Variants in MTMR10 observed in about 807,000 individuals in gnomAD.
MTMR10 encodes myotubularin-related protein 10.
MTMR10 carries 56 observed loss-of-function variants against 88.1 expected under a neutral mutation model. The ratio of observed to expected loss-of-function variants is 0.64; its 90% confidence interval spans 0.51 to 0.79. MTMR10 has a LOEUF of 0.79. Among genes scored for constraint, MTMR10 ranks in the 30% least tolerant of loss-of-function variants. The pLI is 0.00. For missense variants in MTMR10, 883 were observed against 924.7 expected, an observed-to-expected ratio of 0.95 and a Z score of 0.58; for synonymous variants, 380 against 340.9, an observed-to-expected ratio of 1.11 and a Z score of -1.26.
In MTMR10 at chr15:30,976,959, T is replaced by C. The variant is rs141042939; in HGVS notation, c.122-4A>G. On this transcript the variant is annotated splice_polypyrimidine_tract_variant and splice_region_variant and intron_variant, in intron 2 of 15. Transcript: ENST00000435680. ...ACTTCATTTACGACAATTTCTCCTT[T>C]AAAAAAAGAAAAATATTTGTAAGGT... 236 of 1,609,272 alleles carry C rather than the reference T, an allele frequency of 1.5e-4. 1 individual carries two copies. The African/African-American group carries it at 2.8e-3, about 19-fold the overall frequency.
the MTMR10 span, among the ~76,000 whole-genome samples, chr15:30,919,403 A>G: frequency 6.9e-6 from 1 of 144,634 alleles, no homozygotes; most frequent in Non-Finnish European, 1.5e-5. Flanking sequence ...AAAAAAAATC[A>G]TAAGGGGCTG....
In MTMR10 at chr15:30,941,506, T is replaced by A. The variant is rs1383097811; in HGVS notation, c.2298A>T (p.Ile766=). The change falls in exon 16 of 16, where the codon ATA becomes ATT. Residue 766 remains isoleucine, a synonymous_variant. Transcript: ENST00000435680. ...PLSKFLSGAK[I]WLSTETLANE... is the part of the protein sequence containing the mutation. The stretch of plus-strand genomic sequence containing the variant: ...TTGCTAATGTCTCAGTAGACAACCA[T>A]ATTTTGGCCCCACTTAAAAATTTGC... The A allele has an allele frequency of 1.2e-6, 2 of 1,611,766 alleles. No individual in the cohort carries two copies. The highest frequency in any genetic ancestry group is 1.7e-6 in the Non-Finnish European group (2 of 1,178,798).
At chr15:30,938,498 CTAATAACTAGATAGGGG>C (rs2062931418), downstream of MTMR10, among the ~76,000 whole-genome samples, 1 of 152,156 alleles carries the variant, frequency 6.6e-6, no homozygotes, top group African/African-American at 2.4e-5. Context: ...GGGACCATCC[CTAATAACTAGATAGGGG>C]TATTTTCTCT....
chr15:30,955,986 C>A (rs1195092649), intron 9 of MTMR10, among the ~76,000 whole-genome samples: 3 of 120,630 alleles, frequency 2.5e-5, no homozygotes, highest in East Asian at 2.7e-4. Flanking sequence ...AAAAACAAAA[C>A]AAAACCCTGC....
chr15:30,951,807 T>C (rs1359087618), intron 12 of MTMR10, among the ~76,000 whole-genome samples, 161 bp downstream of exon 12: 1 of 152,180 alleles, frequency 6.6e-6, no homozygotes, highest in Admixed American at 6.5e-5. Flanking sequence ...CCTGTGCCAC[T>C]GTTTTACTCA....
intron 14 of MTMR10, chr15:30,943,728 C>T (rs2063122562): frequency 2.0e-6 from 2 of 985,328 alleles, no homozygotes; most frequent in African/African-American, 3.5e-5. Flanking sequence ...TCTGGCTTCC[C>T]ACCACAGTAA....
the MTMR10 span, chr15:30,929,271 G>C: frequency 1.2e-6 from 2 of 1,613,598 alleles, no homozygotes; most frequent in Non-Finnish European, 1.7e-6. Context: ...AGGCCAGGCT[G>C]CAGCTGATTC....
At chr15:30,927,004 A>G in the MTMR10 span, 1 of 985,486 alleles carries the variant, frequency 1.0e-6, no homozygotes, top group Non-Finnish European at 1.2e-6. Context: ...AATGCACAGC[A>G]TGGACCACTT....
Position 30,974,993 on chromosome 15 carries a change from T to C in MTMR10, c.269A>G (p.Tyr90Cys). ...GTGTTCACCAAGAAGAAGGTTTCTG[T>C]AATGGAATTTCTGGAATAAAAAATT... ...DDPMPLQKFH[Y>C]RNLLLGEHDV... Residue 90 changes from tyrosine to cysteine, a missense_variant, in exon 4 of 16, where the codon TAC (tyrosine) becomes TGC (cysteine). By Grantham distance (194) the Tyr-to-Cys change is radical. Transcript: ENST00000435680. The C allele has an allele frequency of 6.4e-7, 1 of 1,565,768 alleles. No individual in the cohort carries two copies. Among genetic ancestry groups the C allele is most frequent in the Non-Finnish European group, 8.7e-7 (1 of 1,152,906 alleles).
chr15:30,946,433 C>A, intron 14 of MTMR10: 1 of 304,302 alleles, frequency 3.3e-6, no homozygotes, highest in Non-Finnish European at 6.0e-6. Context: ...AGACCAGGGC[C>A]AGAACTCAGG....
At chr15:30,990,015 G>A (rs1039819917) in intron 2 of MTMR10, among the ~76,000 whole-genome samples, 17 of 152,050 alleles carry the variant, frequency 1.1e-4, no homozygotes, top group African/African-American at 3.9e-4. Flanking sequence ...TATTCTGTAT[G>A]CTCTAAAACA....
rs151127169 is a variant in MTMR10, at chr15:30,973,504, A to C, written c.474+810T>G. ...GAAGATTTACTGCAGTCAGTTGACT[A>C]ACCATGGAAAACAAAGGCACTCATT... On this transcript the variant is annotated intron_variant, in intron 5 of 15. Transcript: ENST00000435680. Among the ~76,000 whole-genome samples the C allele has an allele frequency of 1.8e-3, 273 of 152,260 alleles. 1 individual carries two copies. The highest frequency in any genetic ancestry group is 6.3e-3 in the African/African-American group (260 of 41,550).
chr15:30,926,940 T>C, the MTMR10 span: 1 of 985,378 alleles, frequency 1.0e-6, no homozygotes, highest in Non-Finnish European at 1.2e-6. Context: ...CTCAACCTCT[T>C]CTGGGAGGTG....
the MTMR10 span, chr15:30,925,811 G>A: frequency 1.9e-6 from 3 of 1,614,166 alleles, no homozygotes; most frequent in Non-Finnish European, 2.5e-6. Flanking sequence ...GGCAGGCTGT[G>A]CCCACAGCGT....
chr15:30,955,419 C>T (rs945095694), intron 9 of MTMR10, among the ~76,000 whole-genome samples: 12 of 152,114 alleles, frequency 7.9e-5, no homozygotes, highest in Admixed American at 2.6e-4. Flanking sequence ...TACAGGCACC[C>T]GCCACCACAC....
At chr15:30,929,441 A>G in the MTMR10 span, 1 of 1,504,354 alleles carries the variant, frequency 6.6e-7, no homozygotes, top group Non-Finnish European at 9.1e-7. Flanking sequence ...GAAAGTTAAC[A>G]CCGCCCCAGT....
intron 2 of MTMR10, among the ~76,000 whole-genome samples, chr15:30,988,873 C>G (rs1261698475): frequency 1.3e-5 from 2 of 151,184 alleles, no homozygotes; most frequent in African/African-American, 4.9e-5. Flanking sequence ...TCCTGTAATC[C>G]CAGCTACTTG....
At chr15:30,989,931 C>T (rs2031200430) in intron 2 of MTMR10, among the ~76,000 whole-genome samples, 1 of 152,120 alleles carries the variant, frequency 6.6e-6, no homozygotes, top group Non-Finnish European at 1.5e-5. Context: ...GCTACTTCCC[C>T]TAATAATCGC....
In MTMR10 at chr15:30,964,010, TAAAA is replaced by T. The variant is rs201436983; in HGVS notation, c.566-2941_566-2938del. On this transcript the variant is annotated intron_variant, in intron 6 of 15. Transcript: ENST00000435680. Reference sequence around the variant, plus strand: ...ATATGATAGATACCTGTTTATGACTTAAAAAAAAAAACCCAACAACGTTAGCAAG... The same window carrying T: ...ATATGATAGATACCTGTTTATGACTTAAAAAAACCCAACAACGTTAGCAAG... 1.8e-4 allele frequency among the ~76,000 whole-genome samples: 26 copies of T among 146,466 alleles called. 1 individual carries two copies. The East Asian group carries it at 4.9e-3, about 28-fold the overall frequency.
Sources: allele counts gnomAD v4.1 joint callset (sites outside exome capture counted in the v4.1 genomes callset), GRCh38; gene constraint gnomAD v4.1.1; transcripts MANE v1.5; gene names NCBI Gene and HGNC (gene_info 2026-07-23, HGNC 2026-07-21).